Variants in ABTB3 observed in about 807,000 individuals in gnomAD.
ABTB3 encodes ankyrin repeat and BTB domain containing 3.
chr12:107,469,890 C>CTT, the ABTB3 span, among the ~76,000 whole-genome samples: 3 of 103,940 alleles, frequency 2.9e-5, no homozygotes, highest in East Asian at 3.0e-4. Context: ...TTCTTTCTTT[C>CTT]TTTCTTTCTT....
the ABTB3 span, among the ~76,000 whole-genome samples, chr12:107,455,662 G>T: frequency 6.6e-6 from 1 of 152,286 alleles, no homozygotes; most frequent in East Asian, 1.9e-4. Context: ...TAGCTCTATG[G>T]TTCTTCTGTT....
the ABTB3 span, among the ~76,000 whole-genome samples, chr12:107,451,622 C>A: frequency 9.5e-3 from 1,450 of 152,194 alleles, 26 homozygotes; most frequent in African/African-American, 0.033. Flanking sequence ...GGAATCTTAC[C>A]CCTGCCTGGT....
the ABTB3 span, among the ~76,000 whole-genome samples, chr12:107,602,510 C>T: frequency 2.6e-5 from 4 of 152,150 alleles, no homozygotes; most frequent in East Asian, 3.9e-4. Context: ...GCGCTATACA[C>T]GAATTATCTC....
At chr12:107,609,456 T>C in the ABTB3 span, among the ~76,000 whole-genome samples, 2 of 152,214 alleles carry the variant, frequency 1.3e-5, no homozygotes, top group African/African-American at 4.8e-5. Context: ...GGATGACAAA[T>C]TCCCATGCAC....
At chr12:107,529,482 T>C in the ABTB3 span, among the ~76,000 whole-genome samples, 3 of 152,134 alleles carry the variant, frequency 2.0e-5, no homozygotes, top group African/African-American at 4.8e-5. Flanking sequence ...AAGATGAAGA[T>C]GGTGATGGTA....
At chr12:107,391,609 AC>A in the ABTB3 span, among the ~76,000 whole-genome samples, 45 of 152,188 alleles carry the variant, frequency 3.0e-4, no homozygotes, top group African/African-American at 1.1e-3. Context: ...ACACATGTGG[AC>A]CCCAGACTTT....
chr12:107,444,530 A>G, the ABTB3 span, among the ~76,000 whole-genome samples: 22 of 152,338 alleles, frequency 1.4e-4, no homozygotes, highest in Admixed American at 2.6e-4. Context: ...AATGCTCTCC[A>G]AGGTAGATCT....
At chr12:107,605,283 C>T in the ABTB3 span, among the ~76,000 whole-genome samples, 2 of 152,150 alleles carry the variant, frequency 1.3e-5, no homozygotes, top group African/African-American at 4.8e-5. Flanking sequence ...GTGGTCCTGC[C>T]CCTCGGAGGC....
chr12:107,385,074 C>A, the ABTB3 span, among the ~76,000 whole-genome samples: 1 of 152,212 alleles, frequency 6.6e-6, no homozygotes, highest in Non-Finnish European at 1.5e-5. Context: ...GACTCTGATG[C>A]CCATTCACTG....
chr12:107,459,203 G>A, the ABTB3 span, among the ~76,000 whole-genome samples: 1 of 152,208 alleles, frequency 6.6e-6, no homozygotes, highest in African/African-American at 2.4e-5. Flanking sequence ...GAGGCCCAGA[G>A]ACATTACATA....
chr12:107,639,711 T>C, the ABTB3 span, among the ~76,000 whole-genome samples: 70,148 of 152,018 alleles, frequency 0.46, 16,879 homozygotes, highest in African/African-American at 0.54. Flanking sequence ...AAGTTCAAAT[T>C]GTAGCTTCTC....
the ABTB3 span, among the ~76,000 whole-genome samples, chr12:107,406,420 AC>A: frequency 4.6e-5 from 7 of 152,074 alleles, no homozygotes; most frequent in African/African-American, 1.4e-4. Context: ...ACAGAGTGAA[AC>A]CCTGTCTCTC....
At chr12:107,327,568 A>T in the ABTB3 span, among the ~76,000 whole-genome samples, 33 of 152,184 alleles carry the variant, frequency 2.2e-4, no homozygotes, top group Non-Finnish European at 4.6e-4. Context: ...TATTTTTTCC[A>T]GTCTCTTTCT....
the ABTB3 span, among the ~76,000 whole-genome samples, chr12:107,336,774 T>C: frequency 6.6e-6 from 1 of 152,240 alleles, no homozygotes; most frequent in African/African-American, 2.4e-5. Context: ...GTAAACTTCA[T>C]GCAAGCACAG....
the ABTB3 span, among the ~76,000 whole-genome samples, chr12:107,374,548 G>A: frequency 6.6e-6 from 1 of 152,154 alleles, no homozygotes; most frequent in African/African-American, 2.4e-5. Flanking sequence ...TGAGCTCCGT[G>A]GCCCCACCCA....
chr12:107,453,059 G>T, the ABTB3 span, among the ~76,000 whole-genome samples: 7 of 152,294 alleles, frequency 4.6e-5, no homozygotes, highest in African/African-American at 1.7e-4. Flanking sequence ...GGTCAGCTAT[G>T]GAACAGCAGA....
chr12:107,499,449 TC>T, the ABTB3 span, among the ~76,000 whole-genome samples: 1 of 152,022 alleles, frequency 6.6e-6, no homozygotes, highest in Non-Finnish European at 1.5e-5. Flanking sequence ...CAACTGGAGC[TC>T]CCTGAACAAA....
chr12:107,548,696 T>C, the ABTB3 span, among the ~76,000 whole-genome samples: 2 of 152,236 alleles, frequency 1.3e-5, no homozygotes, highest in African/African-American at 2.4e-5. Context: ...GATTAGGTGA[T>C]ATTTATTTTC....
the ABTB3 span, among the ~76,000 whole-genome samples, chr12:107,583,741 T>C: frequency 6.6e-6 from 1 of 152,226 alleles, no homozygotes; most frequent in African/African-American, 2.4e-5. Context: ...TTTCAGCATC[T>C]GTCCAGTTTG....
Sources: allele counts gnomAD v4.1 joint callset (sites outside exome capture counted in the v4.1 genomes callset), GRCh38; gene constraint gnomAD v4.1.1; transcripts MANE v1.5; gene names NCBI Gene and HGNC (gene_info 2026-07-23, HGNC 2026-07-21).